Variants in IFT80 observed in about 807,000 individuals in gnomAD.
IFT80 encodes intraflagellar transport 80.
IFT80 carries 79 observed loss-of-function variants against 107.9 expected under a neutral mutation model. That is an observed-to-expected ratio of 0.73 (90% CI 0.61 to 0.88). IFT80 has a LOEUF of 0.88. IFT80 is among the 40% of genes least tolerant of loss of function. The pLI is 0.00. For missense variants in IFT80, 797 were observed against 914.2 expected (o/e 0.87, Z 1.65); for synonymous variants, 299 against 300.9 (o/e 0.99, Z 0.07).
At position 160,286,831 on chromosome 3, in the gene IFT80, A is replaced by C. The variant is rs111520542; in HGVS notation, c.1316-963T>G. 1.7e-3 allele frequency among the ~76,000 whole-genome samples: 261 copies of C among 152,154 alleles called. 1 individual carries two copies. Among genetic ancestry groups the C allele is most frequent in the African/African-American group, 5.8e-3 (241 of 41,484 alleles). ...ATATGCTACTCTGGTACAATCAATA[A>C]TTTATCTGGTCTTTGTCCTGGAGCT... is the stretch of plus-strand genomic sequence containing the variant. On this transcript the variant is annotated intron_variant, in intron 12 of 19. Transcript: ENST00000326448.
intron 1 of IFT80, among the ~76,000 whole-genome samples, chr3:160,389,792 C>T (rs951346451): frequency 2.6e-5 from 4 of 152,002 alleles, no homozygotes; most frequent in Non-Finnish European, 5.9e-5. Context: ...AATAAACATA[C>T]GTGTGCATGT....
intron 8 of IFT80, among the ~76,000 whole-genome samples, chr3:160,322,023 T>C (rs529821486): frequency 5.4e-5 from 8 of 148,082 alleles, no homozygotes; most frequent in African/African-American, 1.2e-4. Flanking sequence ...TATTTATTTA[T>C]TTATTTATTT....
intron 2 of IFT80, 38 bp from the exon 3 acceptor site, chr3:160,381,762 T>A: frequency 1.3e-6 from 2 of 1,508,184 alleles, no homozygotes; most frequent in Non-Finnish European, 1.8e-6. Flanking sequence ...CATACAAAAG[T>A]CTTTAATCTT....
chr3:160,322,589 TAGATCCCTG>T (rs1436414883), intron 8 of IFT80, among the ~76,000 whole-genome samples: 1 of 152,152 alleles, frequency 6.6e-6, no homozygotes, highest in African/African-American at 2.4e-5. Context: ...TTTCTAGTTC[TAGATCCCTG>T]AGGAATCACC....
intron 8 of IFT80, among the ~76,000 whole-genome samples, chr3:160,335,411 G>A (rs536779626): frequency 1.3e-5 from 2 of 151,866 alleles, no homozygotes; most frequent in South Asian, 2.1e-4. Context: ...TAGTAGAGAC[G>A]GGGTTTTGCC....
chr3:160,306,418 T>C (rs1054135906), intron 10 of IFT80, among the ~76,000 whole-genome samples: 3 of 152,156 alleles, frequency 2.0e-5, no homozygotes, highest in Non-Finnish European at 4.4e-5. Flanking sequence ...AGATCTCTGT[T>C]TTCCCCTGCC....
intron 1 of IFT80, among the ~76,000 whole-genome samples, chr3:160,387,005 G>A (rs1052349824): frequency 2.0e-5 from 3 of 151,976 alleles, no homozygotes; most frequent in East Asian, 1.9e-4. Flanking sequence ...TGCAATGGAT[G>A]GTATACAAAA....
intron 8 of IFT80, among the ~76,000 whole-genome samples, chr3:160,345,322 A>T (rs1464781015): frequency 1.3e-5 from 2 of 152,230 alleles, no homozygotes; most frequent in African/African-American, 4.8e-5. Flanking sequence ...GTTAAGTGAA[A>T]TAAGCCAGGT....
Position 160,280,660 on chromosome 3 carries a change from A to T in IFT80, c.1664+7T>A. On this transcript the variant is annotated splice_region_variant and intron_variant, in intron 15 of 19. Coordinates refer to ENST00000326448, the MANE Select transcript of IFT80 (RefSeq NM_020800.3). ...ACAAAACAGAATTATACGCAGTAAA[A>T]TGTTACCTTGCATCCCTTTCATATA... 1.2e-6 allele frequency: 2 copies of T among 1,609,768 alleles called. No individual in the cohort carries two copies. The highest frequency in any genetic ancestry group is 8.5e-7 in the Non-Finnish European group (1 of 1,176,506).
intron 3 of IFT80, among the ~76,000 whole-genome samples, chr3:160,381,080 T>C (rs553106036): frequency 8.0e-5 from 12 of 150,940 alleles, no homozygotes; most frequent in South Asian, 2.1e-4. Flanking sequence ...ACAAAAAAAA[T>C]GTTTTAATTA....
intron 1 of IFT80, among the ~76,000 whole-genome samples, chr3:160,385,901 G>T (rs752180877): frequency 3.3e-5 from 5 of 152,094 alleles, no homozygotes; most frequent in Non-Finnish European, 7.4e-5. Flanking sequence ...AAGAAGAAAG[G>T]CAGATAAATA....
At chr3:160,287,691 T>C (rs937893870) in intron 12 of IFT80, among the ~76,000 whole-genome samples, 5 of 152,094 alleles carry the variant, frequency 3.3e-5, no homozygotes, top group Non-Finnish European at 5.9e-5. Context: ...ACTAAATGCA[T>C]AGGAAAATGC....
intron 18 of IFT80, among the ~76,000 whole-genome samples, chr3:160,269,797 G>A (rs926114228): frequency 6.6e-6 from 1 of 152,158 alleles, no homozygotes; most frequent in South Asian, 2.1e-4. Flanking sequence ...TAAGATAACA[G>A]TCATCATAAT....
At chr3:160,385,765 C>T (rs1175538406) in intron 1 of IFT80, among the ~76,000 whole-genome samples, 1 of 152,162 alleles carries the variant, frequency 6.6e-6, no homozygotes, top group Non-Finnish European at 1.5e-5. Flanking sequence ...AGTTCTCCAC[C>T]TTCCTCCAAA....
intron 19 of IFT80, among the ~76,000 whole-genome samples, chr3:160,262,262 G>A (rs1006459056): frequency 2.6e-5 from 4 of 152,250 alleles, no homozygotes; most frequent in South Asian, 4.2e-4. Flanking sequence ...TTTTAAAGAT[G>A]TGACAAGACT....
intron 9 of IFT80, 36 bp from the exon 10 acceptor site, chr3:160,307,817 T>A (rs370912410): frequency 9.4e-7 from 1 of 1,058,924 alleles, no homozygotes; most frequent in South Asian, 1.3e-5. Flanking sequence ...ATAAACATTA[T>A]AACATATCCA....
chr3:160,377,586 A>G, intron 3 of IFT80, 46 bp from the exon 4 acceptor site: 1 of 1,124,348 alleles, frequency 8.9e-7, no homozygotes, highest in South Asian at 1.3e-5. Flanking sequence ...TATTCAATCA[A>G]CAAAGCACCT....
chr3:160,316,570 T>C (rs757591429), intron 9 of IFT80, among the ~76,000 whole-genome samples: 65 of 152,170 alleles, frequency 4.3e-4, no homozygotes, highest in Non-Finnish European at 2.1e-4. Flanking sequence ...CTATAGCATA[T>C]ATCTATCTAT....
intron 5 of IFT80, among the ~76,000 whole-genome samples, chr3:160,370,406 T>C (rs1000877649): frequency 4.6e-5 from 7 of 151,902 alleles, no homozygotes; most frequent in African/African-American, 1.7e-4. Flanking sequence ...GGCCAAATCA[T>C]TGGCATTCAA....
Sources: allele counts gnomAD v4.1 joint callset (sites outside exome capture counted in the v4.1 genomes callset), GRCh38; gene constraint gnomAD v4.1.1; transcripts MANE v1.5; gene names NCBI Gene and HGNC (gene_info 2026-07-23, HGNC 2026-07-21).